Variants in TNKS2 observed in about 807,000 individuals in gnomAD.
TNKS2 encodes tankyrase 2.
A neutral mutation model predicts 137.6 loss-of-function variants in TNKS2; 72 were observed. The ratio of observed to expected loss-of-function variants is 0.52; its 90% confidence interval spans 0.43 to 0.64. The LOEUF is 0.64. Ranked by LOEUF, TNKS2 falls within the 30% of genes least tolerant of loss-of-function variation. The pLI is 0.00. For missense variants in TNKS2, 1,049 were observed against 1,410.2 expected (o/e 0.74, Z 4.10); for synonymous variants, 516 against 512.1 (o/e 1.01, Z -0.10).
chr10:91,819,820 A>G (rs1844826366), intron 5 of TNKS2, 119 bp from the exon 6 acceptor site: 2 of 821,006 alleles, frequency 2.4e-6, no homozygotes, highest in Non-Finnish European at 3.7e-6. Context: ...AACCAAATTG[A>G]TAACTACTTA....
intron 7 of TNKS2, among the ~76,000 whole-genome samples, chr10:91,826,365 C>A (rs950648688): frequency 2.4e-4 from 36 of 152,090 alleles, no homozygotes; most frequent in African/African-American, 8.5e-4. Context: ...CAGTCCAAAT[C>A]TGCATTAACA....
chr10:91,806,120 G>A (rs56283226), intron 1 of TNKS2, among the ~76,000 whole-genome samples: 1 of 146,714 alleles, frequency 6.8e-6, no homozygotes, highest in African/African-American at 2.5e-5. Context: ...AATTCATATA[G>A]CTAAGGGAAC....
At chr10:91,859,685 A>G (rs778077524) in intron 25 of TNKS2, 37 bp downstream of exon 25, 3 of 1,572,790 alleles carry the variant, frequency 1.9e-6, no homozygotes, top group African/African-American at 1.4e-5. Flanking sequence ...TTTGGTGGTA[A>G]TCAGATAAGA....
In TNKS2 at chr10:91,836,687, A is replaced by G. The variant is rs551704666; in HGVS notation, c.1448-232A>G. 3.0e-6 allele frequency: 3 copies of G among 985,310 alleles called. No individual in the cohort carries two copies. In the African/African-American group the frequency reaches 5.2e-5, roughly 17 times the overall value. The allele number at this position is 985,310 out of a possible 1,614,324, so 61.0% of individuals were successfully genotyped here. ...TTATATTGCTTACATCACATTTTAT[A>G]ATCATTATACACATTTACATATTTT... On this transcript the variant is annotated intron_variant, in intron 12 of 26. Transcript: ENST00000371627.
rs151143997 is a variant in TNKS2 at position 91,813,664 on chromosome 10, C to T, written c.424+457C>T. On this transcript the variant is annotated intron_variant, in intron 2 of 26. Transcript: ENST00000371627. ...CAGGTTAAGGAGCTTAATATTAGTA[C>T]GTGCAGGCAGTGTAGAATATTTAAT... Among the ~76,000 whole-genome samples, 408 of 152,222 alleles carry T rather than the reference C, an allele frequency of 2.7e-3. 2 individuals are homozygous for T. The highest frequency in any genetic ancestry group is 9.5e-3 in the African/African-American group (395 of 41,532).
intron 1 of TNKS2, among the ~76,000 whole-genome samples, chr10:91,806,042 CTTTTTTT>C (rs34004456): frequency 3.1e-5 from 4 of 130,086 alleles, no homozygotes; most frequent in Non-Finnish European, 6.6e-5. Flanking sequence ...CATTCTTTCT[CTTTTTTT>C]TTTTTTTTTT....
chr10:91,834,125 G>A (rs1841918322), intron 12 of TNKS2, 101 bp downstream of exon 12: 1 of 973,382 alleles, frequency 1.0e-6, no homozygotes, highest in African/African-American at 1.7e-5. Flanking sequence ...GAAAAATTGA[G>A]AATTTTTGTT....
Position 91,863,089 on chromosome 10 carries a change from C to T in TNKS2, c.*90C>T. On this transcript the variant is annotated 3_prime_UTR_variant, in exon 27 of 27. Coordinates refer to ENST00000371627, the MANE Select transcript of TNKS2 (RefSeq NM_025235.4). ...TTTTACTCCTTTGCTGAAAAAAAAT[C>T]ATCTTGCCCACAGGCCTGTGGCAAA... The T allele has an allele frequency of 1.1e-6, 1 of 892,038 alleles. No individual in the cohort carries two copies. Among genetic ancestry groups the T allele is most frequent in the Non-Finnish European group, 1.8e-6 (1 of 567,880 alleles). The allele number at this position is 892,038 out of a possible 1,614,324, so 55.3% of individuals were successfully genotyped here.
At chr10:91,830,232 T>A (rs1299939969) in intron 9 of TNKS2, among the ~76,000 whole-genome samples, 1 of 152,218 alleles carries the variant, frequency 6.6e-6, no homozygotes, top group Non-Finnish European at 1.5e-5. Context: ...TTTTTTTGTT[T>A]TTTGAGATGG....
At chr10:91,848,778 T>C (rs1842458446) in intron 19 of TNKS2, 143 bp downstream of exon 19, 2 of 890,792 alleles carry the variant, frequency 2.2e-6, no homozygotes, top group Non-Finnish European at 3.4e-6. Flanking sequence ...GGTTTAACCT[T>C]GTATTACTTT....
Position 91,820,034 on chromosome 10 carries a change from G to A in TNKS2, c.728+1G>A. ...CTGATGTCCATGCTAAAGATAAAGGGTAAGCATTTGAACAAAAACAAGGAC... is the reference window on the plus strand; with the variant it reads ...CTGATGTCCATGCTAAAGATAAAGGATAAGCATTTGAACAAAAACAAGGAC... On this transcript the variant is annotated splice_donor_variant, in intron 6 of 26. Coordinates refer to ENST00000371627, the MANE Select transcript of TNKS2 (RefSeq NM_025235.4). LOFTEE classifies it high-confidence loss of function. The A allele has an allele frequency of 6.4e-7, 1 of 1,553,552 alleles. No homozygotes were observed. The highest frequency in any genetic ancestry group is 8.7e-7 in the Non-Finnish European group (1 of 1,150,838).
At chr10:91,812,761 G>A (rs1026144854) in intron 1 of TNKS2, 1 of 985,136 alleles carries the variant, frequency 1.0e-6, no homozygotes, top group Non-Finnish European at 1.2e-6. Context: ...TACCACCCAA[G>A]GCACTGCTTA....
chr10:91,804,120 TAATA>T (rs1844255643), intron 1 of TNKS2, among the ~76,000 whole-genome samples: 1 of 152,098 alleles, frequency 6.6e-6, no homozygotes. Flanking sequence ...TCTAGATAAG[TAATA>T]AATTTGACAA....
Position 91,819,313 on chromosome 10 carries a change from A to G in TNKS2, c.557+7A>G, listed in dbSNP as rs755484096. The G allele has an allele frequency of 6.8e-7, 1 of 1,477,438 alleles. No individual in the cohort carries two copies. The highest frequency in any genetic ancestry group is 9.0e-7 in the Non-Finnish European group (1 of 1,109,810). 91.5% of individuals were successfully genotyped at this position (1,477,438 alleles called of 1,614,324 possible). A position where few individuals can be genotyped will look rare whatever the true frequency, so the allele number is the denominator to read the frequency against. On this transcript the variant is annotated splice_region_variant and intron_variant, in intron 4 of 26. Coordinates refer to ENST00000371627, the MANE Select transcript of TNKS2 (RefSeq NM_025235.4). ...AACTCTTAGAAAGTGCCAGGTACGT[A>G]CTAATGTTATAAATATGTGACAGGA... is the stretch of plus-strand genomic sequence containing the variant.
At chr10:91,807,293 C>A in intron 1 of TNKS2, 1 of 1,613,330 alleles carries the variant, frequency 6.2e-7, no homozygotes. Flanking sequence ...TTTTATACAC[C>A]AAACAAACTA....
At chr10:91,848,671 A>G (rs778040763) in intron 19 of TNKS2, 36 bp downstream of exon 19, 2 of 1,606,528 alleles carry the variant, frequency 1.2e-6, no homozygotes, top group Non-Finnish European at 1.7e-6. Flanking sequence ...TCTAACTGGT[A>G]TTGTAGCCCC....
chr10:91,801,181 G>A (rs533438500), intron 1 of TNKS2, among the ~76,000 whole-genome samples: 1 of 152,282 alleles, frequency 6.6e-6, no homozygotes, highest in Admixed American at 6.5e-5. Context: ...ATGAAAATTA[G>A]TTTAGAAAAC....
chr10:91,801,438 T>C (rs1844163221), intron 1 of TNKS2, among the ~76,000 whole-genome samples: 1 of 152,032 alleles, frequency 6.6e-6, no homozygotes, highest in Non-Finnish European at 1.5e-5. Flanking sequence ...CGCCTGCCAC[T>C]GCCCCCGACC....
chr10:91,833,895 G>A lies in TNKS2; in HGVS notation c.1318G>A (p.Ala440Thr), dbSNP rs958343597. 6.2e-7 allele frequency: 1 copy of A among 1,613,440 alleles called. No individual in the cohort carries two copies. The highest frequency in any genetic ancestry group is 8.5e-7 in the Non-Finnish European group (1 of 1,179,776). Residue 440 changes from alanine to threonine, a missense_variant, in exon 12 of 27, where the codon GCT (alanine) becomes ACT (threonine). Physicochemically the swap from Ala to Thr is moderately conservative, Grantham distance 58. Transcript: ENST00000371627. ...TCTTGGTCAGACTTCTCTACACAGA[G>A]CTGCATATTGTGGTCATCTACAAAC... The part of the protein sequence containing the change: ...DNLGQTSLHR[A>T]AYCGHLQTCR...
Sources: gnomAD v4.1 joint callset for allele counts (sites outside exome capture counted in the v4.1 genomes callset) on GRCh38, gnomAD v4.1.1 for gene constraint, MANE v1.5 for transcripts, NCBI Gene and HGNC (gene_info 2026-07-23, HGNC 2026-07-21) for gene names.